The following MYPN variants were observed in gnomAD, a reference collection of about 807,000 sequenced individuals.
MYPN encodes sarcomeric protein myopalladin, 145 kDa (MYOP).
MYPN carries 63 observed loss-of-function variants against 129.4 expected under a neutral mutation model. That is an observed-to-expected ratio of 0.49 (90% CI 0.40 to 0.60). The LOEUF (loss-of-function observed/expected upper bound fraction) is 0.60, where lower values mean the gene tolerates loss of function less well. Among genes scored for constraint, MYPN ranks in the 20% least tolerant of loss-of-function variants. MYPN has a pLI of 0.00. For missense variants in MYPN, 1,596 were observed against 1,635.4 expected (o/e 0.98, Z 0.42); for synonymous variants, 629 against 600.9 (o/e 1.05, Z -0.68).
At chr10:68,164,159 GA>G (rs1330186323) in intron 8 of MYPN, among the ~76,000 whole-genome samples, 7 of 152,180 alleles carry the variant, frequency 4.6e-5, no homozygotes, top group Non-Finnish European at 1.0e-4. Flanking sequence ...TTTTAATAAA[GA>G]ACAGGGATTT....
chr10:68,104,034 T>C (rs2041994970), upstream of MYPN, among the ~76,000 whole-genome samples: 1 of 152,228 alleles, frequency 6.6e-6, no homozygotes, highest in South Asian at 2.1e-4. Flanking sequence ...GGGAAAACTA[T>C]GCTTCTTTAA....
intron 2 of MYPN, among the ~76,000 whole-genome samples, chr10:68,129,046 A>C (rs1273474160): frequency 1.3e-5 from 2 of 151,492 alleles, no homozygotes; most frequent in Non-Finnish European, 2.9e-5. Context: ...AAGAGGTCAG[A>C]TTCTAAAAGC....
intron 6 of MYPN, among the ~76,000 whole-genome samples, chr10:68,155,594 G>A (rs2042858642): frequency 6.6e-6 from 1 of 152,180 alleles, no homozygotes; most frequent in Non-Finnish European, 1.5e-5. Context: ...TACACCCCAT[G>A]CCATTAGTAA....
chr10:68,209,726 T>C (rs1183993142), intron 19 of MYPN, among the ~76,000 whole-genome samples: 1 of 151,000 alleles, frequency 6.6e-6, no homozygotes, highest in East Asian at 1.9e-4. Context: ...AGTCTCGCTC[T>C]GTCGCCCAGG....
chr10:68,173,428 ACT>A (rs1373798938), intron 10 of MYPN, among the ~76,000 whole-genome samples: 1 of 151,986 alleles, frequency 6.6e-6, no homozygotes, highest in Non-Finnish European at 1.5e-5. Flanking sequence ...CAATTTATAA[ACT>A]CTTTGTTGCA....
At chr10:68,204,455 C>T (rs1401986239) in intron 18 of MYPN, among the ~76,000 whole-genome samples, 1 of 152,124 alleles carries the variant, frequency 6.6e-6, no homozygotes, top group Non-Finnish European at 1.5e-5. Flanking sequence ...GGCGCAGTGG[C>T]TTACGCCTGT....
upstream of MYPN, among the ~76,000 whole-genome samples, chr10:68,103,455 C>T (rs2041991634): frequency 2.0e-5 from 3 of 152,272 alleles, no homozygotes. Flanking sequence ...TTTCTGTACC[C>T]TTCATGTTTC....
chr10:68,121,490 G>A lies in MYPN; in HGVS notation c.52G>A (p.Glu18Lys). 6.2e-7 allele frequency: 1 copy of A among 1,614,092 alleles called. No individual in the cohort carries two copies. Among genetic ancestry groups the A allele is most frequent in the Non-Finnish European group, 8.5e-7 (1 of 1,179,950 alleles). The part of the protein sequence containing the change: ...ASTSISQLLR[E>K]SYLAETRHRG... The stretch of plus-strand genomic sequence containing the variant: ...TACTTCCATATCTCAGCTTCTAAGA[G>A]AGAGCTATTTAGCTGAAACCAGACA... Residue 18 changes from glutamate (E) to lysine (K), a missense_variant, in exon 2 of 20, where the codon GAG becomes AAG. Physicochemically the swap from Glu to Lys is moderately conservative, Grantham distance 56. Transcript: ENST00000358913.
intron 2 of MYPN, among the ~76,000 whole-genome samples, chr10:68,137,774 A>G (rs2042510070): frequency 6.6e-6 from 1 of 152,120 alleles, no homozygotes; most frequent in South Asian, 2.1e-4. Context: ...TTTTACTTGA[A>G]ATGTCAGGTT....
chr10:68,121,493 A>G lies in MYPN; in HGVS notation c.55A>G (p.Ser19Gly). 2 of 1,614,096 alleles carry G rather than the reference A, an allele frequency of 1.2e-6. No homozygotes were observed. Among genetic ancestry groups the G allele is most frequent in the Non-Finnish European group, 8.5e-7 (1 of 1,179,968 alleles). The stretch of plus-strand genomic sequence containing the variant: ...TTCCATATCTCAGCTTCTAAGAGAG[A>G]GCTATTTAGCTGAAACCAGACATCG... Reference protein sequence around the residue: ...STSISQLLRESYLAETRHRGN... With the variant: ...STSISQLLREGYLAETRHRGN... The change falls in exon 2 of 20, where the codon AGC (serine) becomes GGC (glycine). Residue 19 changes from serine (S) to glycine (G), a missense_variant. Ser to Gly is a moderately conservative substitution (Grantham distance 56). Coordinates refer to ENST00000358913, the MANE Select transcript of MYPN (RefSeq NM_032578.4).
At position 68,199,417 on chromosome 10, in the gene MYPN, C is replaced by A. The variant is rs71534278; in HGVS notation, c.3335C>A (p.Pro1112His). The change falls in exon 17 of 20, where the codon CCT becomes CAT. Residue 1112 changes from proline to histidine, a missense_variant. Transcript: ENST00000358913. ...PELTWLLNGQ[P>H]VLPDASHKML... ...CTGACATGGCTACTCAATGGCCAAC[C>A]TGTGCTACCAGATGCCTCCCACAAG... is the stretch of plus-strand genomic sequence containing the variant. 5.0e-6 allele frequency: 8 copies of A among 1,614,054 alleles called. No individual in the cohort carries two copies. The highest frequency in any genetic ancestry group is 6.8e-6 in the Non-Finnish European group (8 of 1,180,044).
intron 2 of MYPN, among the ~76,000 whole-genome samples, chr10:68,133,451 G>A (rs888729993): frequency 2.6e-5 from 4 of 152,130 alleles, no homozygotes; most frequent in African/African-American, 9.7e-5. Context: ...AATGCAAATT[G>A]TAAATATGCA....
At chr10:68,201,543 G>A (rs1589613847) in intron 17 of MYPN, among the ~76,000 whole-genome samples, 1 of 152,092 alleles carries the variant, frequency 6.6e-6, no homozygotes, top group Non-Finnish European at 1.5e-5. Context: ...AAGGCGGGTG[G>A]GTCACCTGAG....
At position 68,211,966 on chromosome 10, in the gene MYPN, C is replaced by CGCTTG. The variant is rs2043924924; in HGVS notation, c.*1511_*1512insGCTTG. ...GCTTAGAAAGGCTTGAAACTGTCTT[C>CGCTTG]ACTTCAAGGCAAGGATTTCCAGCAT... On this transcript the variant is annotated 3_prime_UTR_variant, in exon 20 of 20. Coordinates refer to ENST00000358913, the MANE Select transcript of MYPN (RefSeq NM_032578.4). 2.8e-6 allele frequency: 1 copy of CGCTTG among 363,022 alleles called. No homozygotes were observed. Among genetic ancestry groups the CGCTTG allele is most frequent in the African/African-American group, 2.1e-5 (1 of 46,828 alleles). The allele number at this position is 363,022 out of a possible 1,614,324, so 22.5% of individuals were successfully genotyped here. A position where few individuals can be genotyped will look rare whatever the true frequency, so the allele number is the denominator to read the frequency against.
At chr10:68,148,317 G>A (rs752169253) in intron 4 of MYPN, 36 bp from the exon 5 acceptor site, 5 of 1,466,870 alleles carry the variant, frequency 3.4e-6, no homozygotes, top group Non-Finnish European at 4.8e-6. Flanking sequence ...AGAGTGATAG[G>A]TCTATTTTAT....
intron 2 of MYPN, among the ~76,000 whole-genome samples, chr10:68,134,899 A>C (rs935056393): frequency 6.6e-6 from 1 of 152,046 alleles, no homozygotes; most frequent in African/African-American, 2.4e-5. Context: ...GCTTTTCTTA[A>C]GTTACCAAGA....
At chr10:68,134,043 C>T (rs1435381486) in intron 2 of MYPN, among the ~76,000 whole-genome samples, 1 of 152,006 alleles carries the variant, frequency 6.6e-6, no homozygotes, top group Non-Finnish European at 1.5e-5. Context: ...AAAGAGTTAA[C>T]ATAGCAAACA....
Position 68,166,421 on chromosome 10 carries a change from C to G in MYPN, c.1728C>G (p.Pro576=). 2 of 1,614,152 alleles carry G rather than the reference C, an allele frequency of 1.2e-6. No individual in the cohort carries two copies. The highest frequency in any genetic ancestry group is 1.3e-5 in the African/African-American group (1 of 75,038). The change falls in exon 10 of 20, where the codon CCC becomes CCG. Residue 576 remains proline (P), a synonymous_variant. Coordinates refer to ENST00000358913, the MANE Select transcript of MYPN (RefSeq NM_032578.4). ...CATCTGTGGAACAACCCCCCAAACC[C>G]AAACTCGAGGGGGTTCTGGTGAACC... ...EPPSVEQPPK[P]KLEGVLVNHN...
At chr10:68,119,567 C>T (rs778170079) in intron 1 of MYPN, among the ~76,000 whole-genome samples, 2 of 152,006 alleles carry the variant, frequency 1.3e-5, no homozygotes, top group Non-Finnish European at 2.9e-5. Context: ...CCCACCACCA[C>T]GCCCAGCTAA....
Sources: gnomAD v4.1 joint callset for allele counts (sites outside exome capture counted in the v4.1 genomes callset) on GRCh38, gnomAD v4.1.1 for gene constraint, MANE v1.5 for transcripts, NCBI Gene and HGNC (gene_info 2026-07-23, HGNC 2026-07-21) for gene names.